The following FGFR2 variants were observed in gnomAD, a reference collection of about 807,000 sequenced individuals.
FGFR2 encodes BEK fibroblast growth factor receptor.
A neutral mutation model predicts 95.9 loss-of-function variants in FGFR2; 19 were observed. The ratio of observed to expected loss-of-function variants is 0.20; its 90% CI spans 0.14 to 0.29. The LOEUF is 0.29. Among genes scored for constraint, FGFR2 ranks in the 10% least tolerant of loss-of-function variants. The pLI is 1.00. For missense variants in FGFR2, 707 were observed against 1,056.9 expected (o/e 0.67, Z 4.59); for synonymous variants, 392 against 393.3 (o/e 1.00, Z 0.04).
At chr10:121,595,787 A>G (rs942821262) in intron 1 of FGFR2, among the ~76,000 whole-genome samples, 1 of 152,146 alleles carries the variant, frequency 6.6e-6, no homozygotes, top group African/African-American at 2.4e-5. Context: ...TGCCCAGAGG[A>G]GCCTCCTTGG....
intron 13 of FGFR2, among the ~76,000 whole-genome samples, chr10:121,495,398 C>T (rs1199637800): frequency 2.6e-5 from 4 of 152,184 alleles, no homozygotes; most frequent in African/African-American, 4.8e-5. Flanking sequence ...CATGGTGGCA[C>T]ATCCTCGTAC....
chr10:121,543,604 T>C (rs1211945936), intron 5 of FGFR2, among the ~76,000 whole-genome samples: 1 of 152,214 alleles, frequency 6.6e-6, no homozygotes, highest in Non-Finnish European at 1.5e-5. Flanking sequence ...AAGCCATCCT[T>C]TCTGAAAGCA....
chr10:121,573,365 C>G (rs1347195848), intron 2 of FGFR2, among the ~76,000 whole-genome samples: 2 of 152,200 alleles, frequency 1.3e-5, no homozygotes, highest in Non-Finnish European at 2.9e-5. Flanking sequence ...GGTGTCTTTT[C>G]CAACGTCTAG....
intron 2 of FGFR2, among the ~76,000 whole-genome samples, chr10:121,592,891 T>C (rs1862878765): frequency 6.6e-6 from 1 of 152,116 alleles, no homozygotes; most frequent in African/African-American, 2.4e-5. Flanking sequence ...GCTACCAATA[T>C]TCCCTACTGA....
At chr10:121,529,146 T>G (rs966216546) in intron 6 of FGFR2, among the ~76,000 whole-genome samples, 2 of 152,210 alleles carry the variant, frequency 1.3e-5, no homozygotes, top group Non-Finnish European at 2.9e-5. Flanking sequence ...TCTCACTCTG[T>G]CACCCAGTCT....
At chr10:121,498,889 A>G (rs1847229467) in intron 11 of FGFR2, among the ~76,000 whole-genome samples, 1 of 152,148 alleles carries the variant, frequency 6.6e-6, no homozygotes, top group Admixed American at 6.5e-5. Context: ...AGACCATGAG[A>G]TAATCTCATC....
chr10:121,494,122 A>G (rs1846476394), intron 13 of FGFR2, among the ~76,000 whole-genome samples: 1 of 151,952 alleles, frequency 6.6e-6, no homozygotes, highest in Non-Finnish European at 1.5e-5. Flanking sequence ...GCATTTTTGA[A>G]GCACTAACTG....
intron 2 of FGFR2, among the ~76,000 whole-genome samples, chr10:121,570,055 C>G (rs1858374730): frequency 6.6e-6 from 1 of 152,230 alleles, no homozygotes; most frequent in Admixed American, 6.5e-5. Context: ...TGGTAGCCTC[C>G]CAGGCCACCC....
rs1367220215 is a variant in FGFR2, at chr10:121,518,719, G to A, written c.940-1256C>T. 6.2e-7 allele frequency: 1 copy of A among 1,614,176 alleles called. No homozygotes were observed. The highest frequency in any genetic ancestry group is 1.7e-5 in the Admixed American group (1 of 60,024). On this transcript the variant is annotated intron_variant, in intron 7 of 17. Transcript: ENST00000358487. This position sits in a 1 kb window ranked among gnomAD's most constrained non-coding sequence, Gnocchi z 4.0. ...GCAGGACAGTGAGCCAGGCAGACTG[G>A]TTGGCCTGCCCTATATAATTGGAGA... is the stretch of plus-strand genomic sequence containing the variant.
At chr10:121,577,158 A>AATATAT (rs1859958046) in intron 2 of FGFR2, among the ~76,000 whole-genome samples, 5 of 13,958 alleles carry the variant, frequency 3.6e-4, no homozygotes, top group South Asian at 4.8e-3. Context: ...AAAAAAAAAA[A>AATATAT]ATATATATAT....
chr10:121,520,319 A>C (rs1361497531), intron 6 of FGFR2, 150 bp from the exon 7 acceptor site: 1 of 753,892 alleles, frequency 1.3e-6, no homozygotes, highest in Admixed American at 3.0e-5. Context: ...CTGTGGCCCC[A>C]TGAATAACAG....
chr10:121,588,983 A>G (rs1305230111), intron 2 of FGFR2, among the ~76,000 whole-genome samples: 1 of 152,196 alleles, frequency 6.6e-6, no homozygotes, highest in Non-Finnish European at 1.5e-5. Context: ...AGAGACCATA[A>G]GCATTTTGCA....
At position 121,485,554 on chromosome 10, in the gene FGFR2, C is replaced by T. The variant is rs373600910; in HGVS notation, c.2058-22G>A. 1.9e-5 allele frequency: 31 copies of T among 1,613,928 alleles called. No homozygotes were observed. The highest frequency in any genetic ancestry group is 5.0e-5 in the Admixed American group (3 of 60,002). On this transcript the variant is annotated intron_variant, in intron 15 of 17. Coordinates refer to ENST00000358487, the MANE Select transcript of FGFR2 (RefSeq NM_000141.5). This position sits in a 1 kb window ranked among gnomAD's most constrained non-coding sequence, Gnocchi z 4.2. The stretch of plus-strand genomic sequence containing the variant: ...CCAGCTGCAACAAAAGGAGAAAGCA[C>T]GGCATTACTAACCCATCCACGTTGC...
chr10:121,570,919 T>A (rs1156321084), intron 2 of FGFR2, among the ~76,000 whole-genome samples: 2 of 152,196 alleles, frequency 1.3e-5, no homozygotes, highest in Non-Finnish European at 2.9e-5. Flanking sequence ...CTCAGTTGCA[T>A]CCACGTGAAT....
At chr10:121,513,297 C>T (rs1006120127) in intron 9 of FGFR2, among the ~76,000 whole-genome samples, 22 of 152,208 alleles carry the variant, frequency 1.4e-4, no homozygotes, top group Non-Finnish European at 2.6e-4. Flanking sequence ...CCTCAAGGAT[C>T]CATCCACAAG....
In FGFR2 at chr10:121,478,623, C is replaced by A. The variant is rs1844303824; in HGVS notation, c.*1234G>T. The A allele has an allele frequency of 4.3e-6, 1 of 233,094 alleles. No individual in the cohort carries two copies. Among genetic ancestry groups the A allele is most frequent in the Non-Finnish European group, 8.5e-6 (1 of 117,988 alleles). 14.4% of individuals were successfully genotyped at this position (233,094 alleles called of 1,614,324 possible). On this transcript the variant is annotated 3_prime_UTR_variant, in exon 18 of 18. Coordinates refer to ENST00000358487, the MANE Select transcript of FGFR2 (RefSeq NM_000141.5). ...AGGTCCTGCCAGAATTAGATGAAAG[C>A]AATCCCTTAAAAAGATGGACGTATC...
Position 121,488,130 on chromosome 10 carries a change from A to C in FGFR2, c.1864-17T>G, listed in dbSNP as rs3135802. 0.022 allele frequency: 36,109 copies of C among 1,612,798 alleles called. 484 individuals carry two copies. The highest frequency in any genetic ancestry group is 0.049 in the Middle Eastern group (299 of 6,060). On this transcript the variant is annotated splice_polypyrimidine_tract_variant and intron_variant, in intron 13 of 17. Coordinates refer to ENST00000358487, the MANE Select transcript of FGFR2 (RefSeq NM_000141.5). ...ATGAATACACTGAAATCAAGAAAGA[A>C]GCAAGAGAAATAACTAATTTCAAAA...
chr10:121,559,571 A>T (rs1856657254), intron 4 of FGFR2, among the ~76,000 whole-genome samples: 1 of 152,214 alleles, frequency 6.6e-6, no homozygotes, highest in Admixed American at 6.5e-5. Context: ...ATAGCATCTA[A>T]TGTTTCACAG....
chr10:121,506,400 C>T (rs1048813797), intron 9 of FGFR2, among the ~76,000 whole-genome samples: 1 of 150,776 alleles, frequency 6.6e-6, no homozygotes, highest in East Asian at 2.0e-4. Context: ...GGGACGACTT[C>T]CGCAAATGGC....
Sources: gnomAD v4.1 joint callset for allele counts (sites outside exome capture counted in the v4.1 genomes callset) on GRCh38, gnomAD v4.1.1 for gene constraint, Gnocchi (gnomAD v3.1) non-coding constraint, MANE v1.5 for transcripts, NCBI Gene and HGNC (gene_info 2026-07-23, HGNC 2026-07-21) for gene names.